SHROOM2: variants seen among roughly 807,000 people sequenced by gnomAD.
SHROOM2 encodes shroom family member 2, also known as protein Shroom2.
In SHROOM2, 33 loss-of-function variants were observed where a neutral mutation model predicts 75.9. That is an observed-to-expected ratio of 0.43 (90% CI 0.33 to 0.58). SHROOM2 has a LOEUF of 0.58. Ranked by LOEUF, SHROOM2 falls within the 20% of genes least tolerant of loss-of-function variation. The pLI, the probability that SHROOM2 is intolerant of heterozygous loss-of-function variation, is 0.04. For synonymous variants in SHROOM2, 655 were observed against 663.6 expected, an observed-to-expected ratio of 0.99 and a Z score of 0.20; for missense variants, 1,434 against 1,461.2, an observed-to-expected ratio of 0.98 and a Z score of 0.30.
chrX:9,883,388 T>G (rs2084242674), intron 2 of SHROOM2, among the ~76,000 whole-genome samples: 1 of 110,943 alleles, frequency 9.0e-6, no homozygotes, highest in African/African-American at 3.3e-5. Context: ...GGGGGAGGCT[T>G]GGGAGAGGGA....
At chrX:9,795,976 G>T (rs1213379410) in intron 1 of SHROOM2, among the ~76,000 whole-genome samples, 1 of 111,002 alleles carries the variant, frequency 9.0e-6, no homozygotes, top group African/African-American at 3.3e-5. Flanking sequence ...GCTTGCATCC[G>T]GAGCTGGATC....
intron 1 of SHROOM2, among the ~76,000 whole-genome samples, chrX:9,854,928 ATGCCACGGGTGAGTC>A (rs771239414): frequency 1.2e-3 from 130 of 111,376 alleles, no homozygotes; most frequent in African/African-American, 3.9e-3. Flanking sequence ...ACTTCAAAGA[ATGCCACGGGTGAGTC>A]TGCGGCAGAT....
intron 5 of SHROOM2, among the ~76,000 whole-genome samples, chrX:9,914,680 C>T (rs1275271224): frequency 8.9e-6 from 1 of 111,758 alleles, no homozygotes; most frequent in African/African-American, 3.3e-5. Flanking sequence ...CCTGAAAGTT[C>T]ACAGTGCCTC....
At chrX:9,807,527 C>A (rs749335146) in intron 1 of SHROOM2, among the ~76,000 whole-genome samples, 1 of 111,793 alleles carries the variant, frequency 8.9e-6, no homozygotes, top group Non-Finnish European at 1.9e-5. Flanking sequence ...AATCAGGCTT[C>A]CAGAGGCCTC....
chrX:9,859,211 T>C (rs2084089490), intron 1 of SHROOM2, among the ~76,000 whole-genome samples: 1 of 112,248 alleles, frequency 8.9e-6, no homozygotes, highest in East Asian at 2.8e-4. Context: ...CGAGACTCCA[T>C]TGATGGACTT....
At chrX:9,802,276 C>T (rs1389456526) in intron 1 of SHROOM2, among the ~76,000 whole-genome samples, 1 of 111,507 alleles carries the variant, frequency 9.0e-6, no homozygotes, top group Non-Finnish European at 1.9e-5. Context: ...TTTAGGTCAG[C>T]ATATCCGCAT....
intron 1 of SHROOM2, among the ~76,000 whole-genome samples, chrX:9,858,212 C>T (rs760537120): frequency 4.5e-5 from 5 of 111,793 alleles, no homozygotes; most frequent in African/African-American, 6.5e-5. Context: ...GCAGCAGCCT[C>T]GGCTCAGTGC....
intron 2 of SHROOM2, among the ~76,000 whole-genome samples, chrX:9,885,122 C>T (rs974310674): frequency 9.9e-5 from 11 of 111,288 alleles, no homozygotes; most frequent in African/African-American, 3.3e-4. Flanking sequence ...ACCAGGCAGA[C>T]TGGGGAAAGA....
intron 6 of SHROOM2, among the ~76,000 whole-genome samples, chrX:9,936,422 T>TA (rs1012480311): frequency 3.9e-3 from 433 of 110,155 alleles, no homozygotes; most frequent in Middle Eastern, 0.028. Context: ...GACACTTTTT[T>TA]AAAAAAAAAG....
At chrX:9,851,449 T>TTTTA (rs2084039398) in intron 1 of SHROOM2, among the ~76,000 whole-genome samples, 1 of 77,803 alleles carries the variant, frequency 1.3e-5, no homozygotes, top group Non-Finnish European at 2.4e-5. Flanking sequence ...GATATTGCTT[T>TTTTA]TTTTTTTTTC....
chrX:9,855,726 C>T (rs920543139), intron 1 of SHROOM2, among the ~76,000 whole-genome samples: 2 of 111,903 alleles, frequency 1.8e-5, no homozygotes. Flanking sequence ...CCATCCTTGA[C>T]TTGTACGACC....
At chrX:9,854,539 C>A (rs1213035228) in intron 1 of SHROOM2, among the ~76,000 whole-genome samples, 1 of 112,336 alleles carries the variant, frequency 8.9e-6, no homozygotes, top group Non-Finnish European at 1.9e-5. Context: ...TTGGTGCCCA[C>A]CGATTCCAGC....
Position 9,848,629 on chromosome X carries a change from CTT to C in SHROOM2, c.166-25021_166-25020del, listed in dbSNP as rs767790304. Among the ~76,000 whole-genome samples the C allele has an allele frequency of 3.7e-5, 4 of 109,570 alleles. No individual in the cohort carries two copies. In the South Asian group the frequency reaches 1.2e-3, roughly 32 times the overall value. On this transcript the variant is annotated intron_variant, in intron 1 of 9. Coordinates refer to ENST00000380913, the MANE Select transcript of SHROOM2 (RefSeq NM_001649.4). ...TGTGAGGAGAGGAACTAGGAGGAGA[CTT>C]TATCATGTGCTGATTTATGCTCTGC...
Position 9,946,875 on chromosome X carries a change from C to T in SHROOM2, c.4789C>T (p.His1597Tyr). The part of the protein sequence containing the change: ...IEQRELEDKI[H>Y]LGEEQLKCLL... Reference sequence around the variant, plus strand: ...GCAGCGGGAGCTGGAAGATAAAATCCACCTTGGTGAAGAGCAGCTGAAGTG... The same window carrying T: ...GCAGCGGGAGCTGGAAGATAAAATCTACCTTGGTGAAGAGCAGCTGAAGTG... The change falls in exon 10 of 10, where the codon CAC becomes TAC. Residue 1597 changes from histidine (H) to tyrosine (Y), a missense_variant. His to Tyr is a moderately conservative substitution (Grantham distance 83). Coordinates refer to ENST00000380913, the MANE Select transcript of SHROOM2 (RefSeq NM_001649.4). The T allele has an allele frequency of 5.0e-6, 6 of 1,197,573 alleles. No homozygotes were observed. The highest frequency in any genetic ancestry group is 6.8e-6 in the Non-Finnish European group (6 of 887,906).
intron 1 of SHROOM2, among the ~76,000 whole-genome samples, chrX:9,873,240 T>G (rs1451802961): frequency 2.7e-5 from 3 of 112,580 alleles, no homozygotes; most frequent in South Asian, 7.4e-4. Flanking sequence ...AAGCCATGCT[T>G]TATTTGAGTG....
intron 1 of SHROOM2, among the ~76,000 whole-genome samples, chrX:9,850,840 A>T (rs2084035524): frequency 9.2e-6 from 1 of 109,050 alleles, no homozygotes; most frequent in South Asian, 3.9e-4. Context: ...TCAAAAAAAA[A>T]AAAAAAAGAG....
At chrX:9,816,907 G>A (rs2083825658) in intron 1 of SHROOM2, among the ~76,000 whole-genome samples, 1 of 111,917 alleles carries the variant, frequency 8.9e-6, no homozygotes, top group Non-Finnish European at 1.9e-5. Context: ...TCCAGATTTA[G>A]GGGACATTGG....
chrX:9,931,131 G>T (rs185486070), intron 5 of SHROOM2, among the ~76,000 whole-genome samples: 160 of 111,681 alleles, frequency 1.4e-3, no homozygotes, highest in African/African-American at 5.0e-3. Flanking sequence ...TTTGAGTGGG[G>T]TTGCTGTTGT....
chrX:9,904,937 C>T (rs1403288173), intron 5 of SHROOM2, among the ~76,000 whole-genome samples: 1 of 112,487 alleles, frequency 8.9e-6, no homozygotes, highest in Non-Finnish European at 1.9e-5. Context: ...TCATGGCTCA[C>T]TGCAGCCTCA....
Sources: gnomAD v4.1 joint callset for allele counts (sites outside exome capture counted in the v4.1 genomes callset) on GRCh38, gnomAD v4.1.1 for gene constraint, MANE v1.5 for transcripts, NCBI Gene and HGNC (gene_info 2026-07-23, HGNC 2026-07-21) for gene names.